The following CDH12 variants were observed in gnomAD, a reference collection of about 807,000 sequenced individuals.
CDH12 encodes cadherin-12.
A neutral mutation model predicts 74.1 loss-of-function variants in CDH12; 41 were observed. That is an observed-to-expected ratio of 0.55 (90% CI 0.43 to 0.72). CDH12 has a LOEUF of 0.72. Among genes scored for constraint, CDH12 ranks in the 30% least tolerant of loss-of-function variants. The pLI is 0.00. For missense variants in CDH12, 945 were observed against 977.2 expected, an observed-to-expected ratio of 0.97 and a Z score of 0.44; for synonymous variants, 399 against 355.0, an observed-to-expected ratio of 1.12 and a Z score of -1.39.
chr5:22,838,308 G>T (rs1040379469), intron 1 of CDH12, among the ~76,000 whole-genome samples: 18 of 152,034 alleles, frequency 1.2e-4, no homozygotes, highest in African/African-American at 4.4e-4. Context: ...AATGTGCTTG[G>T]ATTCCCAGAT....
rs561789266 is a variant in CDH12, at chr5:21,878,658, C to T, written c.527-23868G>A. On this transcript the variant is annotated intron_variant, in intron 6 of 14. Transcript: ENST00000382254. ...TTGGGAAGATGAGGTGGGAGGGTCACTGGAGAATGAGAAGCAAAGTTTGCA... is the reference window on the plus strand; with the variant it reads ...TTGGGAAGATGAGGTGGGAGGGTCATTGGAGAATGAGAAGCAAAGTTTGCA... Among the ~76,000 whole-genome samples, 34 of 151,494 alleles carry T rather than the reference C, an allele frequency of 2.2e-4. No homozygotes were observed. The South Asian group carries it at 3.3e-3, about 15-fold the overall frequency.
chr5:21,962,749 G>A (rs1241856579), intron 6 of CDH12, among the ~76,000 whole-genome samples: 1 of 151,988 alleles, frequency 6.6e-6, no homozygotes, highest in African/African-American at 2.4e-5. Context: ...TTTCATTTTT[G>A]TTCTTAAATA....
chr5:22,501,101 C>G (rs573640592), intron 2 of CDH12, among the ~76,000 whole-genome samples: 1 of 152,036 alleles, frequency 6.6e-6, no homozygotes, highest in Non-Finnish European at 1.5e-5. Context: ...AAAAGATCCT[C>G]TATTTATTTA....
chr5:22,621,621 C>A (rs998248243), intron 1 of CDH12, among the ~76,000 whole-genome samples: 1 of 151,904 alleles, frequency 6.6e-6, no homozygotes, highest in Admixed American at 6.6e-5. Context: ...ATGGATAATT[C>A]TCTGGCAATA....
intron 1 of CDH12, among the ~76,000 whole-genome samples, chr5:22,605,321 T>C (rs961241341): frequency 6.6e-6 from 1 of 152,186 alleles, no homozygotes; most frequent in Non-Finnish European, 1.5e-5. Flanking sequence ...TACATTCTAT[T>C]AGTTCTACTT....
chr5:22,430,797 C>T (rs1026696959), intron 2 of CDH12, among the ~76,000 whole-genome samples: 3 of 152,062 alleles, frequency 2.0e-5, no homozygotes, highest in Non-Finnish European at 4.4e-5. Flanking sequence ...TCCTTCTTAT[C>T]AGCCAAGCAG....
At chr5:22,552,541 G>A (rs1738619963) in intron 1 of CDH12, among the ~76,000 whole-genome samples, 1 of 151,486 alleles carries the variant, frequency 6.6e-6, no homozygotes, top group Admixed American at 6.6e-5. Flanking sequence ...CGATTATCCT[G>A]CCTCAGCCTC....
chr5:22,700,842 T>C (rs140955298), intron 1 of CDH12, among the ~76,000 whole-genome samples: 5 of 152,314 alleles, frequency 3.3e-5, no homozygotes, highest in African/African-American at 9.6e-5. Flanking sequence ...TTTGAGCCAA[T>C]TTAAAGTGGT....
chr5:22,364,781 A>G (rs1029312997), intron 3 of CDH12, among the ~76,000 whole-genome samples: 2 of 152,252 alleles, frequency 1.3e-5, no homozygotes, highest in African/African-American at 2.4e-5. Flanking sequence ...TATGAATTTT[A>G]TCTGTGATCA....
intron 4 of CDH12, among the ~76,000 whole-genome samples, chr5:22,166,686 C>T (rs897600175): frequency 3.9e-5 from 6 of 152,042 alleles, no homozygotes; most frequent in African/African-American, 7.2e-5. Flanking sequence ...TTAAAAACTA[C>T]ATAGTAAAAC....
chr5:22,743,298 G>GTA (rs913154780), intron 1 of CDH12, among the ~76,000 whole-genome samples: 2 of 145,770 alleles, frequency 1.4e-5, no homozygotes, highest in Non-Finnish European at 3.0e-5. Context: ...ATATGTATAT[G>GTA]TATATATATG....
intron 1 of CDH12, among the ~76,000 whole-genome samples, chr5:22,815,333 G>T (rs745549260): frequency 3.3e-5 from 5 of 152,198 alleles, no homozygotes; most frequent in Non-Finnish European, 5.9e-5. Flanking sequence ...GGCATGGAAA[G>T]TAGAGATGTA....
intron 1 of CDH12, among the ~76,000 whole-genome samples, chr5:22,744,257 G>A (rs1164093994): frequency 1.3e-5 from 2 of 151,816 alleles, no homozygotes; most frequent in Non-Finnish European, 1.5e-5. Flanking sequence ...GTGAAACCCC[G>A]TCTCTACTAA....
At chr5:21,752,390 A>G (rs1289441726) in intron 14 of CDH12, among the ~76,000 whole-genome samples, 154 bp from the exon 15 acceptor site, 1 of 152,220 alleles carries the variant, frequency 6.6e-6, no homozygotes, top group Non-Finnish European at 1.5e-5. Context: ...AGGATCATAC[A>G]TATGTTTAAA....
At position 22,707,387 on chromosome 5, in the gene CDH12, AT is replaced by A. The variant is rs200155426; in HGVS notation, c.-523+145670del. On this transcript the variant is annotated intron_variant, in intron 1 of 14. Transcript: ENST00000382254. ...AAATGATAATTAACTTTTAACTATG[AT>A]TTCACCCTTATTTTAACATTTACTC... 8.1e-4 allele frequency among the ~76,000 whole-genome samples: 124 copies of A among 152,244 alleles called. 1 individual carries two copies. The East Asian group carries it at 0.021, about 25-fold the overall frequency.
rs146016822 is a variant in CDH12, at chr5:22,374,087, C to T, written c.-333+31170G>A. On this transcript the variant is annotated intron_variant, in intron 3 of 14. Transcript: ENST00000382254. ...CAAAATACTAGCAAACTGAATCCAACAGCACATCAAAAAGATAATATGCCA... is the reference window on the plus strand; with the variant it reads ...CAAAATACTAGCAAACTGAATCCAATAGCACATCAAAAAGATAATATGCCA... 2.9e-3 allele frequency among the ~76,000 whole-genome samples: 440 copies of T among 152,174 alleles called. 4 individuals carry two copies. The highest frequency in any genetic ancestry group is 0.01 in the African/African-American group (419 of 41,524).
intron 1 of CDH12, among the ~76,000 whole-genome samples, chr5:22,651,882 C>A (rs1020757098): frequency 1.3e-5 from 2 of 151,968 alleles, no homozygotes; most frequent in African/African-American, 2.4e-5. Flanking sequence ...AGGAGCAAAT[C>A]TTTTCAAGTT....
At chr5:21,786,393 T>G (rs1317817155) in intron 10 of CDH12, among the ~76,000 whole-genome samples, 1 of 151,932 alleles carries the variant, frequency 6.6e-6, no homozygotes, top group East Asian at 1.9e-4. Flanking sequence ...ACCTCGTGAG[T>G]AGCCCACCTG....
intron 1 of CDH12, among the ~76,000 whole-genome samples, chr5:22,592,042 T>A (rs1445558403): frequency 6.6e-6 from 1 of 152,202 alleles, no homozygotes; most frequent in Non-Finnish European, 1.5e-5. Context: ...ACCATAGTCA[T>A]GCAGTCAATA....
Sources: allele counts gnomAD v4.1 joint callset (sites outside exome capture counted in the v4.1 genomes callset), GRCh38; gene constraint gnomAD v4.1.1; transcripts MANE v1.5; gene names NCBI Gene and HGNC (gene_info 2026-07-23, HGNC 2026-07-21).